PMM2: variants seen among roughly 807,000 people sequenced by gnomAD.
PMM2 encodes mannose-6-phosphate isomerase.
In PMM2, 35 loss-of-function variants were observed where a neutral mutation model predicts 33.2. The observed-to-expected ratio is 1.06, with a 90% CI of 0.81 to 1.40. PMM2 has a LOEUF of 1.40. Ranked by LOEUF, PMM2 falls within the 40% of genes most tolerant of loss-of-function variation. The probability of loss-of-function intolerance (pLI) is 0.00; values close to 1 mark genes in which losing one functional copy is unlikely to be tolerated. For synonymous variants in PMM2, 153 were observed against 114.7 expected (o/e 1.33, Z -2.13); for missense variants, 386 against 306.0 (o/e 1.26, Z -1.95).
In PMM2 at chr16:8,825,895, A is replaced by C. The variant is rs140888506; in HGVS notation, c.639+12789A>C. On this transcript the variant is annotated intron_variant, in intron 7 of 7. Coordinates refer to ENST00000268261, the MANE Select transcript of PMM2 (RefSeq NM_000303.3). ...CTCAACCTCCCGAGTAGCTGGGACT[A>C]CAGGCGTGTGCCACCACGCCCGGCT... 1.5e-3 allele frequency among the ~76,000 whole-genome samples: 234 copies of C among 151,596 alleles called. 3 individuals are homozygous for C. The East Asian group carries it at 0.038, about 25-fold the overall frequency.
intron 7 of PMM2, among the ~76,000 whole-genome samples, chr16:8,815,518 A>G (rs777109294): frequency 2.6e-5 from 4 of 152,236 alleles, no homozygotes; most frequent in Non-Finnish European, 5.9e-5. Context: ...GGCGTGAGCC[A>G]GCGTGCCCGG....
intron 7 of PMM2, among the ~76,000 whole-genome samples, chr16:8,823,782 G>T (rs543249335): frequency 9.2e-4 from 140 of 152,266 alleles, no homozygotes; most frequent in Admixed American, 2.4e-3. Flanking sequence ...GTCAAAAAGT[G>T]ACGGTCTTTA....
intron 7 of PMM2, among the ~76,000 whole-genome samples, chr16:8,837,143 T>C (rs55993137): frequency 0.9 from 136,804 of 151,730 alleles, 62,127 homozygotes; most frequent in East Asian, 0.97. Flanking sequence ...AGGGGACAGG[T>C]GGGAGGGAAA....
At chr16:8,833,935 AAC>A (rs1440177191) in intron 7 of PMM2, among the ~76,000 whole-genome samples, 2 of 151,590 alleles carry the variant, frequency 1.3e-5, no homozygotes, top group African/African-American at 4.9e-5. Flanking sequence ...GGCTTGGAGA[AAC>A]AGTGTAAACC....
At chr16:8,819,498 A>C (rs1441192106) in intron 7 of PMM2, among the ~76,000 whole-genome samples, 1 of 152,178 alleles carries the variant, frequency 6.6e-6, no homozygotes, top group Non-Finnish European at 1.5e-5. Flanking sequence ...AATATGTTTG[A>C]ACTATATGAA....
intron 4 of PMM2, 29 bp downstream of exon 4, chr16:8,806,436 A>G: frequency 7.4e-7 from 1 of 1,350,250 alleles, no homozygotes; most frequent in Non-Finnish European, 1.1e-6. Context: ...AAGAGGCGTC[A>G]CAGGAACATA....
intron 7 of PMM2, among the ~76,000 whole-genome samples, chr16:8,828,721 C>G (rs1374561229): frequency 6.6e-6 from 1 of 152,214 alleles, no homozygotes; most frequent in African/African-American, 2.4e-5. Context: ...CTGGATTGAA[C>G]AGCGGGCTTA....
intron 7 of PMM2, among the ~76,000 whole-genome samples, chr16:8,817,624 T>C (rs958773422): frequency 1.3e-5 from 2 of 152,254 alleles, no homozygotes; most frequent in African/African-American, 4.8e-5. Context: ...TGCATTACCA[T>C]GCCTGGATTC....
At chr16:8,820,709 G>A (rs1163091869) in intron 7 of PMM2, among the ~76,000 whole-genome samples, 1 of 152,200 alleles carries the variant, frequency 6.6e-6, no homozygotes, top group Non-Finnish European at 1.5e-5. Context: ...TCTGAGGAAA[G>A]TGGGTGACGC....
At chr16:8,832,399 A>G in intron 7 of PMM2, 1 of 985,362 alleles carries the variant, frequency 1.0e-6, no homozygotes, top group Non-Finnish European at 1.2e-6. Context: ...AGCTTTATTA[A>G]GTGTCAGCGA....
In PMM2 at chr16:8,847,782, C is replaced by T. The variant is rs765434871; in HGVS notation, c.698C>T (p.Ala233Val). The T allele has an allele frequency of 7.4e-6, 12 of 1,613,784 alleles. No individual in the cohort carries two copies. Among genetic ancestry groups the T allele is most frequent in the East Asian group, 4.5e-5 (2 of 44,896 alleles). Reference protein sequence around the residue: ...DPRTMGYSVTAPEDTRRICEL... With the variant: ...DPRTMGYSVTVPEDTRRICEL... ...AGAACCATGGGCTACTCCGTGACAG[C>T]GCCTGAGGACACGCGCAGGATCTGT... The change falls in exon 8 of 8, where the codon GCG (alanine) becomes GTG (valine). Residue 233 changes from alanine to valine, a missense_variant. Coordinates refer to ENST00000268261, the MANE Select transcript of PMM2 (RefSeq NM_000303.3).
chr16:8,830,666 A>C (rs564379987), intron 7 of PMM2, among the ~76,000 whole-genome samples: 3 of 152,216 alleles, frequency 2.0e-5, no homozygotes, highest in Non-Finnish European at 2.9e-5. Context: ...TAGGATTTAC[A>C]AGCGATGTTA....
rs749716985 is a variant in PMM2, at chr16:8,811,675, G to A, written c.485G>A (p.Arg162Gln). 36 of 1,613,216 alleles carry A rather than the reference G, an allele frequency of 2.2e-5. No homozygotes were observed. Among genetic ancestry groups the A allele is most frequent in the Admixed American group, 5.0e-5 (3 of 60,000 alleles). ...AGACAAAAGTTTGTAGCAGATCTAC[G>A]GAAAGAGTTTGCTGGAAAAGGCCTC... ...NIRQKFVADL[R>Q]KEFAGKGLTF... Residue 162 changes from arginine (R) to glutamine (Q), a missense_variant, in exon 6 of 8, where the codon CGG becomes CAG. Arg to Gln is a conservative substitution (Grantham distance 43). Transcript: ENST00000268261.
At chr16:8,822,227 T>C (rs2060742922) in intron 7 of PMM2, among the ~76,000 whole-genome samples, 2 of 152,198 alleles carry the variant, frequency 1.3e-5, no homozygotes. Flanking sequence ...CTTCTGTTCC[T>C]GGTGGGATCA....
At chr16:8,831,051 A>T (rs111571268) in intron 7 of PMM2, among the ~76,000 whole-genome samples, 21,496 of 152,182 alleles carry the variant, frequency 0.14, 1,651 homozygotes, top group East Asian at 0.24. Context: ...AGGCAGGAGA[A>T]TCACTTGAAC....
chr16:8,829,846 G>T (rs2060799769), intron 7 of PMM2, among the ~76,000 whole-genome samples: 1 of 152,156 alleles, frequency 6.6e-6, no homozygotes, highest in South Asian at 2.1e-4. Flanking sequence ...AACACATACA[G>T]CAAAACACCT....
rs1466256186 is a variant in PMM2 at position 8,806,178 on chromosome 16, C to T, written c.256-138C>T. The T allele has an allele frequency of 1.1e-5, 8 of 705,064 alleles. No individual in the cohort carries two copies. The South Asian group carries it at 1.2e-4, about 10-fold the overall frequency. The allele number at this position is 705,064 out of a possible 1,614,324, so 43.7% of individuals were successfully genotyped here. ...GAAATAAGAGAAGGAATTAAACAGACAGTGGGGCATGTCACCATCACTGCT... is the reference window on the plus strand; with the variant it reads ...GAAATAAGAGAAGGAATTAAACAGATAGTGGGGCATGTCACCATCACTGCT... On this transcript the variant is annotated intron_variant, in intron 3 of 7. Transcript: ENST00000268261.
At chr16:8,828,206 T>C (rs2060789646) in intron 7 of PMM2, among the ~76,000 whole-genome samples, 1 of 151,696 alleles carries the variant, frequency 6.6e-6, no homozygotes, top group Non-Finnish European at 1.5e-5. Flanking sequence ...CTCAAAGGGA[T>C]GGTAAGCAGT....
chr16:8,827,750 ATATATATATATG>A (rs2060779411), intron 7 of PMM2, among the ~76,000 whole-genome samples: 1 of 88,976 alleles, frequency 1.1e-5, no homozygotes, highest in East Asian at 3.5e-4. Flanking sequence ...ATATATATAT[ATATATATATATG>A]CACACATTTA....
Sources: allele counts gnomAD v4.1 joint callset (sites outside exome capture counted in the v4.1 genomes callset), GRCh38; gene constraint gnomAD v4.1.1; transcripts MANE v1.5; gene names NCBI Gene and HGNC (gene_info 2026-07-23, HGNC 2026-07-21).